FUT2: variants seen among roughly 807,000 people sequenced by gnomAD.
FUT2 encodes the protein fucosyltransferase 2 (H blood group).
For missense variants in FUT2, 419 were observed against 465.8 expected (o/e 0.90, Z 0.93); for synonymous variants, 182 against 193.1 (o/e 0.94, Z 0.48).
chr19:48,703,112 A>G lies in FUT2; in HGVS notation c.156A>G (p.Ser52=). Residue 52 remains serine (S), a synonymous_variant, in exon 2 of 2, where the codon TCA becomes TCG. Coordinates refer to ENST00000425340, the MANE Select transcript of FUT2 (RefSeq NM_000511.6). ...PVQIPVLAST[S]KALGPSQLRG... is the part of the protein sequence containing the mutation. ...AGATACCAGTGCTAGCCTCAACATC[A>G]AAGGCACTGGGACCCAGCCAGCTCA... 1.2e-6 allele frequency: 2 copies of G among 1,613,480 alleles called. No homozygotes were observed.
chr19:48,703,013 CT>C lies in FUT2; in HGVS notation c.60del (p.Phe20LeufsTer13). 6.2e-7 allele frequency: 1 copy of C among 1,613,106 alleles called. No homozygotes were observed. The highest frequency in any genetic ancestry group is 8.5e-7 in the Non-Finnish European group (1 of 1,180,038). On this transcript the variant is annotated frameshift_variant, in exon 2 of 2. Coordinates refer to ENST00000425340, the MANE Select transcript of FUT2 (RefSeq NM_000511.6). LOFTEE classifies it low-confidence loss of function (END_TRUNC). ...CCATGGCCCACTTCATCCTCTTTGT[CT>C]TTACGGTTTCCACTATATTTCACGT... ...FPMAHFILFV[F>X]TVSTIFHVQQ...
chr19:48,703,560 C>G lies in FUT2; in HGVS notation c.604C>G (p.Arg202Gly), dbSNP rs1800028. The G allele has an allele frequency of 6.2e-7, 1 of 1,613,172 alleles. No homozygotes were observed. The highest frequency in any genetic ancestry group is 8.5e-7 in the Non-Finnish European group (1 of 1,179,996). Residue 202 changes from arginine to glycine, a missense_variant, in exon 2 of 2, where the codon CGA (arginine) becomes GGA (glycine). Physicochemically the swap from Arg to Gly is moderately radical, Grantham distance 125 (BLOSUM62 -2). Transcript: ENST00000425340. ...CACCTTTGTAGGGGTCCATGTTCGC[C>G]GAGGGGACTATGTCCATGTCATGCC... is the stretch of plus-strand genomic sequence containing the variant. ...PGTFVGVHVR[R>G]GDYVHVMPKV...
chr19:48,704,421 C>CAAAAAAA lies in FUT2; in HGVS notation c.*447_*453dup, dbSNP rs140411756. 4.6e-5 allele frequency: 5 copies of CAAAAAAA among 109,322 alleles called. No individual in the cohort carries two copies. The highest frequency in any genetic ancestry group is 1.6e-4 in the Admixed American group (1 of 6,444). 6.8% of individuals were successfully genotyped at this position (109,322 alleles called of 1,614,324 possible). On this transcript the variant is annotated 3_prime_UTR_variant, in exon 2 of 2. Coordinates refer to ENST00000425340, the MANE Select transcript of FUT2 (RefSeq NM_000511.6). ...TGGGTGACACAGCAAGACTCCATCT[C>CAAAAAAA]AAAAAAAAAAAAAAAAAAAAGAAAA...
chr19:48,696,653 C>T (rs1234944133), intron 1 of FUT2: 1 of 152,248 alleles, frequency 6.6e-6, no homozygotes, highest in East Asian at 2.0e-4. Context: ...CAAGTGATGG[C>T]CCTACGTTAT....
In FUT2 at chr19:48,700,387, C is replaced by T. The variant is rs1324490336; in HGVS notation, c.-2-2568C>T. 2.7e-5 allele frequency among the ~76,000 whole-genome samples: 4 copies of T among 150,922 alleles called. No homozygotes were observed. The South Asian group carries it at 6.4e-4, about 24-fold the overall frequency. ...TGTCTCCCAGGCTGGAGTGCAGTGG[C>T]GCGATCTCGGCTCACCGCAAGTTGC... On this transcript the variant is annotated intron_variant, in intron 1 of 1. Coordinates refer to ENST00000425340, the MANE Select transcript of FUT2 (RefSeq NM_000511.6).
chr19:48,697,251 A>G (rs1463205102), intron 1 of FUT2, among the ~76,000 whole-genome samples: 5 of 149,234 alleles, frequency 3.4e-5, no homozygotes, highest in Non-Finnish European at 5.9e-5. Context: ...AGGCTGAGGC[A>G]GGAGAATCGT....
At position 48,702,829 on chromosome 19, in the gene FUT2, T is replaced by TCAGG. The variant is rs2032538937; in HGVS notation, c.-2-126_-2-125insCAGG. 3 of 898,092 alleles carry TCAGG rather than the reference T, an allele frequency of 3.3e-6. No homozygotes were observed. The African/African-American group carries it at 4.9e-5, about 15-fold the overall frequency. The allele number at this position is 898,092 out of a possible 1,614,324, so 55.6% of individuals were successfully genotyped here. ...ACATAGGCAAGTATGTGCCAAGTAT[T>TCAGG]TACACACCTGAAGTAGAAGCACACA... On this transcript the variant is annotated intron_variant, in intron 1 of 1. Transcript: ENST00000425340.
rs1051096812 is a variant in FUT2 at position 48,701,854 on chromosome 19, G to A, written c.-2-1101G>A. On this transcript the variant is annotated intron_variant, in intron 1 of 1. Transcript: ENST00000425340. ...CTAAAAATACAAAAGTTAGCCAGGC[G>A]TGGTGGCGGGCGCCTGTAATCCCAG... Among the ~76,000 whole-genome samples the A allele has an allele frequency of 1.1e-4, 16 of 151,824 alleles. No individual in the cohort carries two copies. In the East Asian group the frequency reaches 1.2e-3, roughly 11 times the overall value.
At position 48,704,205 on chromosome 19, in the gene FUT2, T is replaced by G; in HGVS notation, c.*217T>G. 1.7e-6 allele frequency: 1 copy of G among 605,668 alleles called. No individual in the cohort carries two copies. The highest frequency in any genetic ancestry group is 3.0e-6 in the Non-Finnish European group (1 of 327,906). 37.5% of individuals were successfully genotyped at this position (605,668 alleles called of 1,614,324 possible). On this transcript the variant is annotated 3_prime_UTR_variant, in exon 2 of 2. Transcript: ENST00000425340. ...GTGAGGCCAGGGTGGGTGGATCACT[T>G]GAGGTCAGGAGTTCAAGACTAGCCT...
At position 48,704,467 on chromosome 19, in the gene FUT2, C is replaced by A; in HGVS notation, c.*479C>A. 5 of 383,884 alleles carry A rather than the reference C, an allele frequency of 1.3e-5. No homozygotes were observed. Among genetic ancestry groups the A allele is most frequent in the East Asian group, 8.4e-5 (2 of 23,880 alleles). 23.8% of individuals were successfully genotyped at this position (383,884 alleles called of 1,614,324 possible). ...GAAAAGAAAAAGAAATGAATGGGTT[C>A]AAAGACCATAATCATGCATATCACA... On this transcript the variant is annotated 3_prime_UTR_variant, in exon 2 of 2. Transcript: ENST00000425340.
intron 1 of FUT2, among the ~76,000 whole-genome samples, chr19:48,699,243 G>C (rs971763078): frequency 9.9e-5 from 15 of 151,980 alleles, no homozygotes; most frequent in African/African-American, 3.6e-4. Context: ...GCCCAGGCTG[G>C]AGTGCAGTGG....
rs747849767 is a variant in FUT2 at position 48,703,400 on chromosome 19, C to T, written c.444C>T (p.Thr148=). ...RHIPGEYVRF[T]GYPCSWTFYH... ...TCCCGGGGGAGTACGTCCGCTTCAC[C>T]GGCTACCCCTGCTCCTGGACCTTCT... The change falls in exon 2 of 2, where the codon ACC becomes ACT. Residue 148 remains threonine, a synonymous_variant. Coordinates refer to ENST00000425340, the MANE Select transcript of FUT2 (RefSeq NM_000511.6). The T allele has an allele frequency of 1.2e-5, 19 of 1,612,906 alleles. No homozygotes were observed. Among genetic ancestry groups the T allele is most frequent in the African/African-American group, 9.3e-5 (7 of 74,910 alleles).
chr19:48,704,972 G>C lies in FUT2; in HGVS notation c.*984G>C. 6 of 411,784 alleles carry C rather than the reference G, an allele frequency of 1.5e-5. No homozygotes were observed. 25.5% of individuals were successfully genotyped at this position (411,784 alleles called of 1,614,324 possible). A position where few individuals can be genotyped will look rare whatever the true frequency, so the allele number is the denominator to read the frequency against. ...CAACAGAGATGCCCTGAGGGGTTGT[G>C]TAGGTTGTTCACTGCAGGAAGTCCC... On this transcript the variant is annotated 3_prime_UTR_variant, in exon 2 of 2. Coordinates refer to ENST00000425340, the MANE Select transcript of FUT2 (RefSeq NM_000511.6).
Position 48,703,130 on chromosome 19 carries a change from C to G in FUT2, c.174C>G (p.Ser58Arg). The G allele has an allele frequency of 6.2e-7, 1 of 1,613,516 alleles. No homozygotes were observed. Among genetic ancestry groups the G allele is most frequent in the Non-Finnish European group, 8.5e-7 (1 of 1,180,030 alleles). ...CAACATCAAAGGCACTGGGACCCAG[C>G]CAGCTCAGGGGGATGTGGACGATCA... is the stretch of plus-strand genomic sequence containing the variant. ...LASTSKALGP[S>R]QLRGMWTINA... The change falls in exon 2 of 2, where the codon AGC (serine) becomes AGG (arginine). Residue 58 changes from serine (S) to arginine (R), a missense_variant. Transcript: ENST00000425340.
intron 1 of FUT2, among the ~76,000 whole-genome samples, chr19:48,700,152 CAAAA>C (rs923397801): frequency 8.8e-5 from 4 of 45,324 alleles, no homozygotes; most frequent in African/African-American, 2.8e-4. Context: ...GACTCCATCT[CAAAA>C]AAAAAAAAAA....
intron 1 of FUT2, among the ~76,000 whole-genome samples, chr19:48,702,212 C>T (rs1168830065): frequency 6.6e-6 from 1 of 151,904 alleles, no homozygotes; most frequent in Non-Finnish European, 1.5e-5. Flanking sequence ...ACCAGCCTGA[C>T]CAACATACTG....
chr19:48,698,203 G>A (rs2032449862), intron 1 of FUT2, among the ~76,000 whole-genome samples: 1 of 151,890 alleles, frequency 6.6e-6, no homozygotes, highest in African/African-American at 2.4e-5. Context: ...AAAGGTTCCT[G>A]ATCATGCCGT....
At chr19:48,700,243 C>G (rs772665986) in intron 1 of FUT2, among the ~76,000 whole-genome samples, 1 of 151,630 alleles carries the variant, frequency 6.6e-6, no homozygotes, top group Non-Finnish European at 1.5e-5. Flanking sequence ...GCAAGCGGAC[C>G]AGGGTCAGTT....
rs1245827946 is a variant in FUT2 at position 48,703,449 on chromosome 19, C to T, written c.493C>T (p.Leu165Phe). 3 of 1,612,842 alleles carry T rather than the reference C, an allele frequency of 1.9e-6. No homozygotes were observed. The highest frequency in any genetic ancestry group is 2.5e-6 in the Non-Finnish European group (3 of 1,179,974). Reference sequence around the variant, plus strand: ...CTACCACCACCTCCGCCAGGAGATCCTCCAGGAGTTCACCCTGCACGACCA... The same window carrying T: ...CTACCACCACCTCCGCCAGGAGATCTTCCAGGAGTTCACCCTGCACGACCA... ...TFYHHLRQEILQEFTLHDHVR... is the reference protein window; with the variant it reads ...TFYHHLRQEIFQEFTLHDHVR... The change falls in exon 2 of 2, where the codon CTC (leucine) becomes TTC (phenylalanine). Residue 165 changes from leucine to phenylalanine, a missense_variant. By Grantham distance (22) the Leu-to-Phe change is conservative (BLOSUM62 0). Coordinates refer to ENST00000425340, the MANE Select transcript of FUT2 (RefSeq NM_000511.6).
Sources: allele counts gnomAD v4.1 joint callset (sites outside exome capture counted in the v4.1 genomes callset), GRCh38; gene constraint gnomAD v4.1.1; transcripts MANE v1.5; gene names NCBI Gene and HGNC (gene_info 2026-07-23, HGNC 2026-07-21).